Variants in YTHDC2 observed in about 807,000 individuals in gnomAD.
YTHDC2 encodes the protein YTH N6-methyladenosine RNA binding protein C2, also known as 3'-5' RNA helicase YTHDC2.
Under a neutral mutation model 174.9 loss-of-function variants are expected in YTHDC2, and 45 were observed. The observed-to-expected ratio is 0.26, with a 90% CI of 0.20 to 0.33. The LOEUF (loss-of-function observed/expected upper bound fraction) is 0.33, where lower values mean the gene tolerates loss of function less well. Among genes scored for constraint, YTHDC2 ranks in the 10% least tolerant of loss-of-function variants. The pLI is 1.00. For synonymous variants in YTHDC2, 657 were observed against 574.5 expected, an observed-to-expected ratio of 1.14 and a Z score of -2.05; for missense variants, 1,650 against 1,723.7, an observed-to-expected ratio of 0.96 and a Z score of 0.76.
In YTHDC2 at chr5:113,563,848, C is replaced by G. The variant is rs1183535078; in HGVS notation, c.2443-11C>G. 1.9e-6 allele frequency: 3 copies of G among 1,613,804 alleles called. No homozygotes were observed. Among genetic ancestry groups the G allele is most frequent in the Non-Finnish European group, 1.7e-6 (2 of 1,179,854 alleles). On this transcript the variant is annotated splice_polypyrimidine_tract_variant and intron_variant, in intron 19 of 29. Coordinates refer to ENST00000161863, the MANE Select transcript of YTHDC2 (RefSeq NM_022828.5). ...CTCACATCAAAGTCTGTTCTGTCTC[C>G]TTTTACTTAGACAATAGATGCAATG...
In YTHDC2 at chr5:113,553,234, G is replaced by C; in HGVS notation, c.1742G>C (p.Gly581Ala). Residue 581 changes from glycine (G) to alanine (A), a missense_variant, in exon 13 of 30, where the codon GGA (glycine) becomes GCA (alanine). By Grantham distance (60) the Gly-to-Ala change is moderately conservative (BLOSUM62 0). Coordinates refer to ENST00000161863, the MANE Select transcript of YTHDC2 (RefSeq NM_022828.5). ...GAAAGTTCTCTGGTTCAAACAAATG[G>C]AAGTGACCTCAGTGCTGAAGACAGA... ...LDESSLVQTN[G>A]SDLSAEDREL... The C allele has an allele frequency of 6.3e-7, 1 of 1,595,302 alleles. No homozygotes were observed. The highest frequency in any genetic ancestry group is 8.5e-7 in the Non-Finnish European group (1 of 1,171,366).
Position 113,556,071 on chromosome 5 carries a change from A to G in YTHDC2, c.2153A>G (p.Asn718Ser). 6.2e-7 allele frequency: 1 copy of G among 1,605,950 alleles called. No individual in the cohort carries two copies. The highest frequency in any genetic ancestry group is 1.1e-5 in the South Asian group (1 of 90,346). ...TTACAGAAATCCTTTGATGCTCTGA[A>G]TTTTGTTACAATGTTAAAAATGGTA... ...KVKEKSFDAL[N>S]FVTMLKMVWI... The change falls in exon 17 of 30, where the codon AAT (asparagine) becomes AGT (serine). Residue 718 changes from asparagine to serine, a missense_variant. By Grantham distance (46) the Asn-to-Ser change is conservative. Around this residue, in one of 5 missense-constraint regions of YTHDC2, gnomAD observed 913 missense variants for 940.4 expected, o/e 0.97. Coordinates refer to ENST00000161863, the MANE Select transcript of YTHDC2 (RefSeq NM_022828.5).
chr5:113,553,067 C>T (rs1776357631), intron 12 of YTHDC2, 114 bp from the exon 13 acceptor site: 3 of 989,592 alleles, frequency 3.0e-6, no homozygotes, highest in Admixed American at 3.5e-5. Context: ...ATAGCTAGGA[C>T]ATTAAGTGTC....
At chr5:113,519,048 T>C (rs1000295800) in intron 2 of YTHDC2, among the ~76,000 whole-genome samples, 2 of 151,934 alleles carry the variant, frequency 1.3e-5, no homozygotes, top group African/African-American at 4.8e-5. Context: ...TAAGATTTTT[T>C]TTTTTTTAGA....
chr5:113,580,671 C>T (rs571761509), intron 24 of YTHDC2, among the ~76,000 whole-genome samples: 70 of 152,294 alleles, frequency 4.6e-4, no homozygotes, highest in African/African-American at 1.7e-3. Flanking sequence ...TCAACTGTGT[C>T]CTTCATGTTG....
Position 113,561,213 on chromosome 5 carries a change from A to AT in YTHDC2, c.2322+35dup, listed in dbSNP as rs1354129290. 6.9e-6 allele frequency: 11 copies of AT among 1,586,184 alleles called. No homozygotes were observed. In the East Asian group the frequency reaches 1.8e-4, roughly 26 times the overall value. ...AAAAATTTATTTAAATATAAAAGGC[A>AT]TTTTTTTGGGTGAGGGAAGTGAGGG... On this transcript the variant is annotated intron_variant, in intron 18 of 29. Coordinates refer to ENST00000161863, the MANE Select transcript of YTHDC2 (RefSeq NM_022828.5).
At chr5:113,553,050 T>C in intron 12 of YTHDC2, 131 bp from the exon 13 acceptor site, 4 of 895,920 alleles carry the variant, frequency 4.5e-6, no homozygotes, top group Non-Finnish European at 6.1e-6. Context: ...AAAACATGAA[T>C]CATATTATAG....
At chr5:113,522,134 G>GT (rs371407386) in intron 2 of YTHDC2, among the ~76,000 whole-genome samples, 4,648 of 105,932 alleles carry the variant, frequency 0.044, 98 homozygotes, top group Non-Finnish European at 0.07. Flanking sequence ...TGTTTTTTTT[G>GT]TTTTTTGTTT....
chr5:113,577,589 CAA>C (rs1296351779), intron 23 of YTHDC2, among the ~76,000 whole-genome samples: 3 of 152,116 alleles, frequency 2.0e-5, no homozygotes, highest in African/African-American at 7.2e-5. Flanking sequence ...AGGCTGGTCT[CAA>C]ACTTCTGTGC....
At position 113,553,256 on chromosome 5, in the gene YTHDC2, C is replaced by A. The variant is rs1462822046; in HGVS notation, c.1764C>A (p.Asp588Glu). The part of the protein sequence containing the change: ...QTNGSDLSAE[D>E]RELLKAYHHS... ...ATGGAAGTGACCTCAGTGCTGAAGACAGAGAGCTCCTGAAAGCTTATCATC... is the reference window on the plus strand; with the variant it reads ...ATGGAAGTGACCTCAGTGCTGAAGAAAGAGAGCTCCTGAAAGCTTATCATC... The change falls in exon 13 of 30, where the codon GAC (aspartate) becomes GAA (glutamate). Residue 588 changes from aspartate (D) to glutamate (E), a missense_variant. Coordinates refer to ENST00000161863, the MANE Select transcript of YTHDC2 (RefSeq NM_022828.5). The A allele has an allele frequency of 3.7e-6, 6 of 1,600,542 alleles. No individual in the cohort carries two copies. The highest frequency in any genetic ancestry group is 5.1e-6 in the Non-Finnish European group (6 of 1,174,976).
chr5:113,524,868 G>T, intron 2 of YTHDC2, 113 bp from the exon 3 acceptor site: 1 of 800,448 alleles, frequency 1.2e-6, no homozygotes, highest in Non-Finnish European at 1.8e-6. Flanking sequence ...TTCTCCCAAA[G>T]CATTTTGATT....
intron 14 of YTHDC2, 27 bp downstream of exon 14, chr5:113,553,713 G>T (rs758171408): frequency 1.6e-4 from 266 of 1,612,824 alleles, no homozygotes; most frequent in Non-Finnish European, 2.2e-4. Flanking sequence ...TATATCTGTT[G>T]CTTAAAATAA....
At chr5:113,571,690 G>C (rs1319880476) in intron 23 of YTHDC2, among the ~76,000 whole-genome samples, 1 of 152,074 alleles carries the variant, frequency 6.6e-6, no homozygotes, top group Non-Finnish European at 1.5e-5. Flanking sequence ...GCTTCTTTCT[G>C]GTTCAGTCTC....
chr5:113,548,890 C>T, intron 11 of YTHDC2, 65 bp from the exon 12 acceptor site: 2 of 1,476,190 alleles, frequency 1.4e-6, no homozygotes, highest in East Asian at 2.3e-5. Flanking sequence ...TGATGTTGCC[C>T]AGGCTCATCA....
chr5:113,581,167 ACT>A (rs1561702752), intron 24 of YTHDC2: 3 of 332,930 alleles, frequency 9.0e-6, no homozygotes, highest in Non-Finnish European at 1.1e-5. Flanking sequence ...TATTAATCAC[ACT>A]CTGCCACAAC....
intron 4 of YTHDC2, 40 bp from the exon 5 acceptor site, chr5:113,532,839 T>C: frequency 6.4e-7 from 1 of 1,561,508 alleles, no homozygotes; most frequent in South Asian, 1.2e-5. Context: ...TTGTATTATG[T>C]GATCATGTCA....
intron 24 of YTHDC2, among the ~76,000 whole-genome samples, chr5:113,580,928 G>A (rs919357358): frequency 3.3e-5 from 5 of 152,084 alleles, no homozygotes; most frequent in African/African-American, 9.7e-5. Flanking sequence ...AGCACTTTGT[G>A]TCTTACTCTT....
intron 10 of YTHDC2, among the ~76,000 whole-genome samples, chr5:113,546,954 TGA>T (rs67948726): frequency 0.16 from 24,110 of 152,190 alleles, 2,060 homozygotes; most frequent in Non-Finnish European, 0.2. Context: ...CTGGCTTCTC[TGA>T]GAGTGATTCA....
intron 5 of YTHDC2, 123 bp from the exon 6 acceptor site, chr5:113,534,182 C>A: frequency 1.4e-6 from 1 of 695,988 alleles, no homozygotes. Context: ...ATAAACTGTA[C>A]ATACCGGTAC....
Sources: allele counts gnomAD v4.1 joint callset (sites outside exome capture counted in the v4.1 genomes callset), GRCh38; gene constraint gnomAD v4.1.1; regional missense constraint gnomAD v4.1.1; transcripts MANE v1.5; gene names NCBI Gene and HGNC (gene_info 2026-07-23, HGNC 2026-07-21).